Variants in MCF2L2 observed in about 807,000 individuals in gnomAD.
MCF2L2 encodes the protein MCF.2 cell line derived transforming sequence-like 2, also known as probable guanine nucleotide exchange factor MCF2L2.
In MCF2L2, 102 loss-of-function variants were observed where a neutral mutation model predicts 150.2. That is an observed-to-expected ratio of 0.68 (90% CI 0.58 to 0.80). The LOEUF (loss-of-function observed/expected upper bound fraction) is 0.80. Among genes scored for constraint, MCF2L2 ranks in the 30% least tolerant of loss-of-function variants. The pLI is 0.00. For missense variants in MCF2L2, 1,256 were observed against 1,372.8 expected, an observed-to-expected ratio of 0.91 and a Z score of 1.34; for synonymous variants, 465 against 491.3, an observed-to-expected ratio of 0.95 and a Z score of 0.71.
chr3:183,400,082 TCC>T (rs1714660210), intron 1 of MCF2L2, among the ~76,000 whole-genome samples: 1 of 152,202 alleles, frequency 6.6e-6, no homozygotes, highest in Non-Finnish European at 1.5e-5. Flanking sequence ...ACTTACACGT[TCC>T]ATATTATAAC....
At chr3:183,262,719 G>C (rs767370565) in intron 15 of MCF2L2, among the ~76,000 whole-genome samples, 8 of 151,402 alleles carry the variant, frequency 5.3e-5, no homozygotes, top group African/African-American at 7.3e-5. Flanking sequence ...TCTTCAGGGT[G>C]GGGGGGACAG....
At chr3:183,257,692 C>T (rs967784196) in intron 15 of MCF2L2, among the ~76,000 whole-genome samples, 13 of 152,168 alleles carry the variant, frequency 8.5e-5, no homozygotes, top group East Asian at 1.9e-4. Flanking sequence ...CAGAATGGGA[C>T]GTAGGAACTG....
rs368970289 is a variant in MCF2L2 at position 183,300,108 on chromosome 3, C to T, written c.1202G>A (p.Arg401Gln). The T allele has an allele frequency of 1.9e-5, 31 of 1,613,770 alleles. No homozygotes were observed. Among genetic ancestry groups the T allele is most frequent in the Middle Eastern group, 3.3e-4 (2 of 6,084 alleles). Residue 401 changes from arginine (R) to glutamine (Q), a missense_variant, in exon 11 of 30, where the codon CGG becomes CAG. Transcript: ENST00000328913. ...HHYAADAIRP[R>Q]CVELRHLCDD... ...ACAGAGGTGCCTGAGCTCCACACAC[C>T]GGGGCCTGATGGCATCTGCTGCATA... is the stretch of plus-strand genomic sequence containing the variant.
At chr3:183,249,230 T>C (rs1276138123) in intron 15 of MCF2L2, among the ~76,000 whole-genome samples, 1 of 152,214 alleles carries the variant, frequency 6.6e-6, no homozygotes, top group African/African-American at 2.4e-5. Flanking sequence ...GAACCCTGTA[T>C]GCTTCCGGGA....
intron 20 of MCF2L2, among the ~76,000 whole-genome samples, chr3:183,220,493 AG>A (rs1265291563): frequency 6.6e-6 from 1 of 152,178 alleles, no homozygotes; most frequent in Non-Finnish European, 1.5e-5. Context: ...TTAAACATTT[AG>A]GTTCAACAAT....
At chr3:183,319,813 C>T (rs1729737997) in intron 6 of MCF2L2, among the ~76,000 whole-genome samples, 1 of 152,202 alleles carries the variant, frequency 6.6e-6, no homozygotes, top group African/African-American at 2.4e-5. Context: ...AGAAGTGCTG[C>T]CATCCAGGCT....
Position 183,318,175 on chromosome 3 carries a change from T to A in MCF2L2, c.646A>T (p.Met216Leu). ...FALTLKTTAQ[M>L]LQTFGSCLAT... is the part of the protein sequence containing the mutation. The stretch of plus-strand genomic sequence containing the variant: ...AGGCAGGACCCAAACGTCTGCAGCA[T>A]CTGGGCAGTGGTCTTCAAGGTCAAG... Residue 216 changes from methionine to leucine, a missense_variant, in exon 7 of 30, where the codon ATG becomes TTG. Transcript: ENST00000328913. The A allele has an allele frequency of 6.2e-7, 1 of 1,614,210 alleles. No homozygotes were observed. Among genetic ancestry groups the A allele is most frequent in the Non-Finnish European group, 8.5e-7 (1 of 1,180,040 alleles).
chr3:183,214,147 C>T (rs1258133519), intron 22 of MCF2L2, among the ~76,000 whole-genome samples: 1 of 152,086 alleles, frequency 6.6e-6, no homozygotes, highest in Non-Finnish European at 1.5e-5. Flanking sequence ...GTATTGTTTC[C>T]AGGACATTCA....
intron 15 of MCF2L2, among the ~76,000 whole-genome samples, chr3:183,244,080 C>T (rs1047617506): frequency 5.9e-5 from 9 of 151,868 alleles, no homozygotes; most frequent in South Asian, 2.1e-4. Flanking sequence ...GCTGAGATTG[C>T]GCCACTGCAC....
intron 22 of MCF2L2, among the ~76,000 whole-genome samples, chr3:183,211,009 T>C (rs1019630871): frequency 1.3e-5 from 2 of 152,012 alleles, no homozygotes; most frequent in African/African-American, 4.8e-5. Context: ...GAGACGGGGC[T>C]GTGAGATGCT....
rs542036995 is a variant in MCF2L2 at position 183,190,962 on chromosome 3, C to G, written c.3016+2037G>C. On this transcript the variant is annotated intron_variant, in intron 27 of 29. Coordinates refer to ENST00000328913, the MANE Select transcript of MCF2L2 (RefSeq NM_015078.4). ...GTGCAATGGCGCGATCTTGACTCAC[C>G]ACAATCTCTGCCTCCTGGGTTCAAG... 7.9e-5 allele frequency among the ~76,000 whole-genome samples: 12 copies of G among 152,220 alleles called. 1 individual carries two copies. Among genetic ancestry groups the G allele is most frequent in the African/African-American group, 2.9e-4 (12 of 41,524 alleles).
rs1384131133 is a variant in MCF2L2 at position 183,309,781 on chromosome 3, C to T, written c.1048G>A (p.Gly350Arg). 2 of 1,613,840 alleles carry T rather than the reference C, an allele frequency of 1.2e-6. No homozygotes were observed. The highest frequency in any genetic ancestry group is 1.7e-5 in the Admixed American group (1 of 59,978). ...TGCTCCACGTGCATCACGCTGTCTC[C>T]AATGCCTGTAAACTCTGCTTGCTCT... Reference protein sequence around the residue: ...LEEQAEFTGIGDSVMHVEQIL... With the variant: ...LEEQAEFTGIRDSVMHVEQIL... Residue 350 changes from glycine to arginine, a missense_variant, in exon 10 of 30, where the codon GGA becomes AGA. Gly to Arg is a moderately radical substitution (Grantham distance 125). Transcript: ENST00000328913.
intron 3 of MCF2L2, among the ~76,000 whole-genome samples, chr3:183,364,504 A>G (rs141201600): frequency 5.9e-5 from 9 of 152,270 alleles, no homozygotes; most frequent in South Asian, 4.1e-4. Context: ...TGGGCAACAG[A>G]GCGAGACTCC....
chr3:183,419,032 C>T (rs1318244196), intron 1 of MCF2L2, among the ~76,000 whole-genome samples: 1 of 152,246 alleles, frequency 6.6e-6, no homozygotes, highest in African/African-American at 2.4e-5. Flanking sequence ...GATATCCAGG[C>T]ATTTCCATAC....
At chr3:183,295,195 T>A (rs989736934) in intron 13 of MCF2L2, 105 bp downstream of exon 13, 76 of 1,172,858 alleles carry the variant, frequency 6.5e-5, no homozygotes, top group Non-Finnish European at 7.2e-6. Flanking sequence ...TTAAATAGTA[T>A]CTGTTAAAAC....
intron 1 of MCF2L2, among the ~76,000 whole-genome samples, chr3:183,391,859 GTAT>G (rs1714172722): frequency 6.6e-6 from 1 of 152,168 alleles, no homozygotes; most frequent in Admixed American, 6.5e-5. Flanking sequence ...TAGAGCTTCA[GTAT>G]TATTTGTTCA....
At chr3:183,322,955 A>G (rs957840841) in intron 6 of MCF2L2, among the ~76,000 whole-genome samples, 3 of 152,170 alleles carry the variant, frequency 2.0e-5, no homozygotes, top group African/African-American at 7.2e-5. Context: ...GAGGTATAAC[A>G]GGCTATTGGT....
chr3:183,306,428 C>T (rs757306756), intron 10 of MCF2L2, among the ~76,000 whole-genome samples: 36 of 152,216 alleles, frequency 2.4e-4, no homozygotes, highest in Admixed American at 1.4e-3. Flanking sequence ...AAGGCTGGAT[C>T]GTCAAGTTTC....
chr3:183,353,798 C>A (rs1412041477), intron 3 of MCF2L2, among the ~76,000 whole-genome samples: 1 of 152,194 alleles, frequency 6.6e-6, no homozygotes, highest in African/African-American at 2.4e-5. Flanking sequence ...GCCTCCACTG[C>A]CTCCAAGCCA....
Sources: allele counts gnomAD v4.1 joint callset (sites outside exome capture counted in the v4.1 genomes callset), GRCh38; gene constraint gnomAD v4.1.1; transcripts MANE v1.5; gene names NCBI Gene and HGNC (gene_info 2026-07-23, HGNC 2026-07-21).